The following COG3 variants were observed in gnomAD, a reference collection of about 807,000 sequenced individuals.
COG3 encodes component of oligomeric golgi complex 3.
COG3 carries 32 observed loss-of-function variants against 114.1 expected under a neutral mutation model. The observed-to-expected ratio is 0.28, with a 90% CI of 0.21 to 0.38. The LOEUF (loss-of-function observed/expected upper bound fraction) is 0.38, where lower values mean the gene tolerates loss of function less well. Ranked by LOEUF, COG3 falls within the 10% of genes least tolerant of loss-of-function variation. The pLI, the probability that COG3 is intolerant of heterozygous loss-of-function variation, is 1.00. For missense variants in COG3, 813 were observed against 973.2 expected (o/e 0.84, Z 2.19); for synonymous variants, 352 against 365.7 (o/e 0.96, Z 0.43).
chr13:45,479,578 A>G (rs1366227631), intron 3 of COG3, among the ~76,000 whole-genome samples: 2 of 152,190 alleles, frequency 1.3e-5, no homozygotes, highest in East Asian at 3.8e-4. Context: ...TCTTTAATGT[A>G]TGATCCCATT....
chr13:45,472,210 C>T (rs1335526620), intron 1 of COG3, among the ~76,000 whole-genome samples: 1 of 152,050 alleles, frequency 6.6e-6, no homozygotes, highest in Non-Finnish European at 1.5e-5. Flanking sequence ...CTTTATTTCT[C>T]TGTATAGAAT....
chr13:45,486,702 C>G, intron 8 of COG3, 127 bp downstream of exon 8: 1 of 696,100 alleles, frequency 1.4e-6, no homozygotes, highest in Non-Finnish European at 2.6e-6. Context: ...TTGACATTGT[C>G]CTTCCACATT....
Position 45,494,114 on chromosome 13 carries a change from CA to C in COG3, c.1327+629del, listed in dbSNP as rs565154099. ...CCGAGGTGGGTGGATCACCTGAGGT[CA>C]GGAGTTCAAGAACAGCCTGGCCAAC... On this transcript the variant is annotated intron_variant, in intron 12 of 22. Transcript: ENST00000349995. Among the ~76,000 whole-genome samples, 154 of 152,182 alleles carry C rather than the reference CA, an allele frequency of 1.0e-3. 1 individual carries two copies. The East Asian group carries it at 0.022, about 22-fold the overall frequency.
At chr13:45,498,285 A>G (rs1296131116) in intron 13 of COG3, among the ~76,000 whole-genome samples, 2 of 151,706 alleles carry the variant, frequency 1.3e-5, no homozygotes, top group Non-Finnish European at 2.9e-5. Context: ...ATTTAAGGAA[A>G]TTAACATTAA....
intron 2 of COG3, among the ~76,000 whole-genome samples, chr13:45,478,535 C>T (rs1164866477): frequency 2.7e-5 from 4 of 150,104 alleles, no homozygotes; most frequent in East Asian, 2.0e-4. Context: ...TGCAATGGCG[C>T]GATCTCGGCT....
At chr13:45,484,574 TTGCTTATTTATTTA>T (rs1186924637) in intron 7 of COG3, among the ~76,000 whole-genome samples, 41 of 136,952 alleles carry the variant, frequency 3.0e-4, no homozygotes, top group African/African-American at 1.0e-3. Flanking sequence ...CTCCCTAAGC[TTGCTTATTTATTTA>T]TTTATTTATT....
At chr13:45,473,889 C>G (rs1189576787) in intron 1 of COG3, among the ~76,000 whole-genome samples, 1 of 152,192 alleles carries the variant, frequency 6.6e-6, no homozygotes, top group East Asian at 1.9e-4. Flanking sequence ...AGGATAAATT[C>G]TTACTGGATT....
chr13:45,465,685 A>T (rs894103823), intron 1 of COG3: 2 of 153,740 alleles, frequency 1.3e-5, no homozygotes, highest in Admixed American at 6.5e-5. Context: ...TCTTGGGGAG[A>T]CCAAAACTTG....
chr13:45,508,204 T>C (rs1238365309), intron 14 of COG3, among the ~76,000 whole-genome samples: 1 of 150,254 alleles, frequency 6.7e-6, no homozygotes, highest in Non-Finnish European at 1.5e-5. Context: ...GCTATAACCA[T>C]TTATAAAAAG....
chr13:45,508,419 CACACACAT>C (rs879904920), intron 14 of COG3, among the ~76,000 whole-genome samples: 19,854 of 124,142 alleles, frequency 0.16, 2,202 homozygotes, highest in African/African-American at 0.34. Flanking sequence ...CACACACACA[CACACACAT>C]ACACATATAT....
chr13:45,483,138 T>G, intron 6 of COG3, 92 bp from the exon 7 acceptor site: 4 of 820,144 alleles, frequency 4.9e-6, no homozygotes, highest in Non-Finnish European at 5.6e-6. Context: ...CTTTATATAT[T>G]GCTTTACATA....
intron 17 of COG3, among the ~76,000 whole-genome samples, chr13:45,517,071 G>A (rs183970014): frequency 6.6e-6 from 1 of 152,190 alleles, no homozygotes; most frequent in East Asian, 1.9e-4. Flanking sequence ...AAGCAGTTAA[G>A]GATATACCAT....
At chr13:45,475,978 A>G (rs75804726) in intron 1 of COG3, among the ~76,000 whole-genome samples, 1 of 152,044 alleles carries the variant, frequency 6.6e-6, no homozygotes, top group African/African-American at 2.4e-5. Context: ...AAAAAAAAAA[A>G]AGCTTACTAA....
intron 13 of COG3, among the ~76,000 whole-genome samples, chr13:45,500,057 T>TGTGTGA (rs1869308917): frequency 3.7e-5 from 4 of 108,188 alleles, no homozygotes; most frequent in African/African-American, 1.4e-4. Flanking sequence ...TGTGTGTGTG[T>TGTGTGA]GTGTGTGTGA....
intron 19 of COG3, among the ~76,000 whole-genome samples, chr13:45,519,832 C>G (rs978489150): frequency 2.0e-5 from 3 of 152,204 alleles, no homozygotes; most frequent in African/African-American, 7.2e-5. Flanking sequence ...AGTATATTCT[C>G]TCTGTCTCTC....
intron 8 of COG3, among the ~76,000 whole-genome samples, chr13:45,486,856 A>G (rs1886700794): frequency 6.6e-6 from 1 of 152,166 alleles, no homozygotes; most frequent in African/African-American, 2.4e-5. Context: ...TCTTGAAGGG[A>G]CCAATAAGGT....
intron 19 of COG3, among the ~76,000 whole-genome samples, chr13:45,520,739 G>A (rs971900877): frequency 1.5e-4 from 23 of 152,172 alleles, no homozygotes; most frequent in African/African-American, 5.6e-4. Flanking sequence ...AAAAAGGAGG[G>A]GGATAGAAAT....
At chr13:45,527,589 T>G (rs953325257) in intron 20 of COG3, among the ~76,000 whole-genome samples, 2 of 152,136 alleles carry the variant, frequency 1.3e-5, no homozygotes, top group Non-Finnish European at 2.9e-5. Context: ...TCAGACTTGG[T>G]CAAGTTCTCA....
chr13:45,486,266 G>T (rs1268993065), intron 7 of COG3, among the ~76,000 whole-genome samples: 2 of 143,810 alleles, frequency 1.4e-5, no homozygotes, highest in Non-Finnish European at 3.0e-5. Flanking sequence ...GTCCAGCTTC[G>T]GCTCGGCATG....
Sources: gnomAD v4.1 joint callset for allele counts (sites outside exome capture counted in the v4.1 genomes callset) on GRCh38, gnomAD v4.1.1 for gene constraint, MANE v1.5 for transcripts, NCBI Gene and HGNC (gene_info 2026-07-23, HGNC 2026-07-21) for gene names.